Variants in LRP1B observed in about 807,000 individuals in gnomAD.
The protein encoded by LRP1B is LDL receptor related protein 1B.
A neutral mutation model predicts 556.6 loss-of-function variants in LRP1B; 217 were observed. The ratio of observed to expected loss-of-function variants is 0.39; its 90% CI spans 0.35 to 0.44. The LOEUF is 0.44. Ranked by LOEUF, LRP1B falls within the 20% of genes least tolerant of loss-of-function variation. LRP1B has a pLI of 1.00. For missense variants in LRP1B, 5,053 were observed against 5,620.8 expected (o/e 0.90, Z 3.23); for synonymous variants, 2,047 against 1,865.8 (o/e 1.10, Z -2.50).
chr2:141,466,182 C>A (rs1329400155), intron 3 of LRP1B, among the ~76,000 whole-genome samples: 2 of 152,066 alleles, frequency 1.3e-5, no homozygotes, highest in African/African-American at 4.8e-5. Context: ...CCACTGCGCC[C>A]GGCCTAAATA....
chr2:140,510,018 C>T lies in LRP1B; in HGVS notation c.8308G>A (p.Gly2770Ser). ...TGTCGGGGCACGCAGGCACGAGAGC[C>T]CTGGCAGCTGAACATGTCAGCAGCA... ...TCAADMFSCQGSRACVPRHWL... is the reference protein window; with the variant it reads ...TCAADMFSCQSSRACVPRHWL... Residue 2770 changes from glycine to serine, a missense_variant, in exon 52 of 91, where the codon GGC (glycine) becomes AGC (serine). Physicochemically the swap from Gly to Ser is moderately conservative, Grantham distance 56. This residue lies in a region of LRP1B where 3,619 missense variants were observed against 3,931.9 expected (regional missense o/e 0.92). Transcript: ENST00000389484. The T allele has an allele frequency of 6.2e-7, 1 of 1,613,878 alleles. No individual in the cohort carries two copies. Among genetic ancestry groups the T allele is most frequent in the Non-Finnish European group, 8.5e-7 (1 of 1,180,026 alleles).
intron 2 of LRP1B, among the ~76,000 whole-genome samples, chr2:141,650,326 T>C (rs1285899241): frequency 1.3e-5 from 2 of 152,168 alleles, no homozygotes; most frequent in Non-Finnish European, 2.9e-5. Flanking sequence ...GAGTATGGTT[T>C]TTCTAGAGAG....
chr2:141,170,781 G>C (rs1553470150), intron 7 of LRP1B, among the ~76,000 whole-genome samples: 1 of 152,082 alleles, frequency 6.6e-6, no homozygotes, highest in Non-Finnish European at 1.5e-5. Context: ...AGGCAAGAAA[G>C]AAACAGGCTC....
chr2:141,351,894 C>G (rs3107481), intron 3 of LRP1B, among the ~76,000 whole-genome samples: 97,674 of 151,554 alleles, frequency 0.64, 32,540 homozygotes, highest in African/African-American at 0.71. Context: ...TATATAGTGA[C>G]AGTAGGAAGA....
chr2:141,067,264 G>A (rs1012527961), intron 7 of LRP1B, among the ~76,000 whole-genome samples: 2 of 151,976 alleles, frequency 1.3e-5, no homozygotes, highest in Non-Finnish European at 2.9e-5. Context: ...AAAAAGTAAT[G>A]AGTCTTTGAA....
intron 7 of LRP1B, among the ~76,000 whole-genome samples, chr2:141,131,949 C>T (rs184603047): frequency 2.0e-5 from 3 of 151,934 alleles, no homozygotes; most frequent in East Asian, 1.9e-4. Flanking sequence ...GAGCAGTATA[C>T]GTTGAACCCA....
intron 29 of LRP1B, among the ~76,000 whole-genome samples, chr2:140,846,139 C>A (rs1317809318): frequency 1.3e-5 from 2 of 152,116 alleles, no homozygotes; most frequent in Admixed American, 6.6e-5. Flanking sequence ...CAAGTGGATT[C>A]TCAATAGCAA....
At chr2:141,639,347 T>TACACACACAC (rs1300773531) in intron 2 of LRP1B, among the ~76,000 whole-genome samples, 9 of 59,316 alleles carry the variant, frequency 1.5e-4, no homozygotes, top group East Asian at 8.0e-4. Context: ...TATATATATA[T>TACACACACAC]ATACACACAC....
In LRP1B at chr2:140,813,743, T is replaced by C. The variant is rs944614643; in HGVS notation, c.5273A>G (p.Asn1758Ser). 1 of 1,610,244 alleles carries C rather than the reference T, an allele frequency of 6.2e-7. No individual in the cohort carries two copies. The highest frequency in any genetic ancestry group is 8.5e-7 in the Non-Finnish European group (1 of 1,176,606). The change falls in exon 32 of 91, where the codon AAT becomes AGT. Residue 1758 changes from asparagine to serine, a missense_variant. By Grantham distance (46) the Asn-to-Ser change is conservative. Around this residue, in one of 5 missense-constraint regions of LRP1B, gnomAD observed 3,619 missense variants for 3,931.9 expected, o/e 0.92. Coordinates refer to ENST00000389484, the MANE Select transcript of LRP1B (RefSeq NM_018557.3). The stretch of plus-strand genomic sequence containing the variant: ...ATTACCACCATCCAGGTTGCATCTA[T>C]TTATGGTTCCATTCCCTGAACTGAT... Reference protein sequence around the residue: ...YWISSGNGTINRCNLDGGNLE... With the variant: ...YWISSGNGTISRCNLDGGNLE...
chr2:140,319,334 A>C (rs1679959476), intron 82 of LRP1B, among the ~76,000 whole-genome samples: 1 of 152,124 alleles, frequency 6.6e-6, no homozygotes, highest in African/African-American at 2.4e-5. Context: ...TCTGTGCATT[A>C]TCCTAATCTC....
At chr2:141,014,492 T>A (rs1697846448) in intron 13 of LRP1B, among the ~76,000 whole-genome samples, 3 of 152,054 alleles carry the variant, frequency 2.0e-5, no homozygotes, top group Admixed American at 6.6e-5. Flanking sequence ...ATGAGAATAC[T>A]TTTTCACCTT....
At chr2:141,858,938 A>G (rs1698152414) in intron 1 of LRP1B, among the ~76,000 whole-genome samples, 1 of 152,168 alleles carries the variant, frequency 6.6e-6, no homozygotes, top group South Asian at 2.1e-4. Flanking sequence ...AGGCAGAGGA[A>G]GTCCAAGTGG....
At chr2:141,354,121 A>G (rs1048750595) in intron 3 of LRP1B, among the ~76,000 whole-genome samples, 3 of 152,018 alleles carry the variant, frequency 2.0e-5, no homozygotes, top group East Asian at 3.8e-4. Flanking sequence ...TATGCTTATC[A>G]CCTGGATGAT....
intron 1 of LRP1B, among the ~76,000 whole-genome samples, chr2:142,025,942 C>T (rs1703487123): frequency 6.6e-6 from 1 of 152,106 alleles, no homozygotes; most frequent in Non-Finnish European, 1.5e-5. Flanking sequence ...CATAAATTTT[C>T]ACTCTCCATT....
At chr2:141,371,288 T>C (rs1041815521) in intron 3 of LRP1B, among the ~76,000 whole-genome samples, 3 of 152,240 alleles carry the variant, frequency 2.0e-5, no homozygotes, top group Admixed American at 1.3e-4. Context: ...CATTTTAGTA[T>C]TATCTGAAGT....
At chr2:140,568,733 G>A (rs976690498) in intron 43 of LRP1B, among the ~76,000 whole-genome samples, 6 of 151,982 alleles carry the variant, frequency 3.9e-5, no homozygotes, top group Non-Finnish European at 5.9e-5. Flanking sequence ...ACTGAAAGAC[G>A]ACAGTGTAAA....
At chr2:140,910,769 G>T (rs1315933877) in intron 21 of LRP1B, among the ~76,000 whole-genome samples, 1 of 151,776 alleles carries the variant, frequency 6.6e-6, no homozygotes, top group Non-Finnish European at 1.5e-5. Flanking sequence ...ATTAGATAAA[G>T]ATCAAAAAGT....
chr2:141,933,067 A>G (rs1700546415), intron 1 of LRP1B, among the ~76,000 whole-genome samples: 1 of 152,024 alleles, frequency 6.6e-6, no homozygotes, highest in African/African-American at 2.4e-5. Context: ...AAAACATTTT[A>G]TCAGAATATT....
rs191940028 is a variant in LRP1B, at chr2:140,561,801, A to G, written c.7195-19830T>C. On this transcript the variant is annotated intron_variant, in intron 43 of 90. Coordinates refer to ENST00000389484, the MANE Select transcript of LRP1B (RefSeq NM_018557.3). ...AAATTTAACAGACACTACAAGAAAT[A>G]ATATATCAATATATTTTATGACTAC... is the stretch of plus-strand genomic sequence containing the variant. Among the ~76,000 whole-genome samples, 434 of 152,244 alleles carry G rather than the reference A, an allele frequency of 2.9e-3. 3 individuals carry two copies. Among genetic ancestry groups the G allele is most frequent in the Admixed American group, 5.2e-3 (80 of 15,270 alleles).
Sources: allele counts gnomAD v4.1 joint callset (sites outside exome capture counted in the v4.1 genomes callset), GRCh38; gene constraint gnomAD v4.1.1; regional missense constraint gnomAD v4.1.1; transcripts MANE v1.5; gene names NCBI Gene and HGNC (gene_info 2026-07-23, HGNC 2026-07-21).